OPCML: variants seen among roughly 807,000 people sequenced by gnomAD.
The protein encoded by OPCML is opioid-binding protein/cell adhesion molecule.
OPCML carries 13 observed loss-of-function variants against 37.8 expected under a neutral mutation model. That is an observed-to-expected ratio of 0.34 (90% CI 0.22 to 0.55). The LOEUF (loss-of-function observed/expected upper bound fraction) is 0.55. Ranked by LOEUF, OPCML falls within the 20% of genes least tolerant of loss-of-function variation. The probability of loss-of-function intolerance (pLI) is 0.91; values close to 1 mark genes in which losing one functional copy is unlikely to be tolerated. For missense variants in OPCML, 341 were observed against 435.6 expected (o/e 0.78, Z 1.93); for synonymous variants, 176 against 168.8 (o/e 1.04, Z -0.33).
chr11:133,152,164 A>T (rs114965380), intron 1 of OPCML, among the ~76,000 whole-genome samples: 2,199 of 152,242 alleles, frequency 0.014, 52 homozygotes, highest in African/African-American at 0.051. Flanking sequence ...CAAACCGCTG[A>T]ACAAAAAAAG....
At chr11:132,951,190 C>A (rs1043097309) in intron 1 of OPCML, among the ~76,000 whole-genome samples, 1 of 152,212 alleles carries the variant, frequency 6.6e-6, no homozygotes, top group African/African-American at 2.4e-5. Context: ...AGCAATGAAT[C>A]TGTAGAGTAC....
intron 1 of OPCML, among the ~76,000 whole-genome samples, chr11:133,484,098 ATAGAT>A (rs1421581776): frequency 6.1e-5 from 9 of 148,612 alleles, no homozygotes; most frequent in Non-Finnish European, 1.0e-4. Flanking sequence ...AGATGAATAG[ATAGAT>A]TAGATAGATG....
chr11:132,965,675 T>C (rs1280756232), intron 1 of OPCML, among the ~76,000 whole-genome samples: 2 of 151,922 alleles, frequency 1.3e-5, no homozygotes, highest in South Asian at 2.1e-4. Context: ...TAGGACTCCA[T>C]GCAAGGGCCA....
At chr11:133,260,671 AAAATT>A (rs1348249318) in intron 1 of OPCML, among the ~76,000 whole-genome samples, 1 of 149,580 alleles carries the variant, frequency 6.7e-6, no homozygotes, top group Non-Finnish European at 1.5e-5. Context: ...AAGGAAACTA[AAAATT>A]AAATTAAACT....
At chr11:133,288,524 G>A (rs1942366900) in intron 1 of OPCML, among the ~76,000 whole-genome samples, 1 of 152,196 alleles carries the variant, frequency 6.6e-6, no homozygotes, top group African/African-American at 2.4e-5. Flanking sequence ...AGGAAATATG[G>A]ACTGTTGCGG....
chr11:133,514,068 C>G (rs1171770462), intron 1 of OPCML, among the ~76,000 whole-genome samples: 2 of 152,164 alleles, frequency 1.3e-5, no homozygotes, highest in Admixed American at 6.5e-5. Context: ...GATAAAGAGA[C>G]ACTTCAAGGC....
intron 1 of OPCML, among the ~76,000 whole-genome samples, chr11:133,315,842 TTA>T (rs776547345): frequency 2.4e-4 from 37 of 152,078 alleles, no homozygotes; most frequent in Non-Finnish European, 4.0e-4. Flanking sequence ...TTGCTCTATA[TTA>T]TATATAGCCA....
At chr11:132,732,685 A>T (rs1162459571) in intron 2 of OPCML, among the ~76,000 whole-genome samples, 1 of 152,226 alleles carries the variant, frequency 6.6e-6, no homozygotes, top group African/African-American at 2.4e-5. Context: ...GACCTGAAAG[A>T]AAGGCCCCAA....
At chr11:133,274,658 G>C (rs1829014452) in intron 1 of OPCML, among the ~76,000 whole-genome samples, 1 of 152,206 alleles carries the variant, frequency 6.6e-6, no homozygotes, top group African/African-American at 2.4e-5. Context: ...TCGGTGCTGG[G>C]CTTGGGGAGG....
Position 132,438,115 on chromosome 11 carries a change from C to T in OPCML, c.506-756G>A, listed in dbSNP as rs538554402. Reference sequence around the variant, plus strand: ...CTTGTGAAACTTGTCATTTATAATTCAAAATATTATGGGCTGCAAAATTTG... The same window carrying T: ...CTTGTGAAACTTGTCATTTATAATTTAAAATATTATGGGCTGCAAAATTTG... On this transcript the variant is annotated intron_variant, in intron 4 of 7. Coordinates refer to ENST00000524381, the MANE Select transcript of OPCML (RefSeq NM_001012393.5). Among the ~76,000 whole-genome samples, 22 of 152,300 alleles carry T rather than the reference C, an allele frequency of 1.4e-4. No homozygotes were observed. The South Asian group carries it at 4.3e-3, about 30-fold the overall frequency.
chr11:133,216,768 AC>A (rs1939601014), intron 1 of OPCML, among the ~76,000 whole-genome samples: 1 of 152,256 alleles, frequency 6.6e-6, no homozygotes, highest in Admixed American at 6.5e-5. Context: ...ATGTGTACGT[AC>A]ATTCATGCAT....
intron 1 of OPCML, among the ~76,000 whole-genome samples, chr11:133,382,315 A>ACT (rs932644993): frequency 3.3e-5 from 5 of 152,090 alleles, no homozygotes; most frequent in Non-Finnish European, 7.4e-5. Flanking sequence ...TTTTGGCAGG[A>ACT]GGGGTGGGGA....
chr11:133,234,558 G>A (rs903355123), intron 1 of OPCML, among the ~76,000 whole-genome samples: 7 of 152,238 alleles, frequency 4.6e-5, no homozygotes, highest in East Asian at 3.8e-4. Flanking sequence ...TCCTGATGGC[G>A]CAGCTCAGCA....
chr11:133,418,372 A>G (rs761142323), intron 1 of OPCML: 1 of 985,378 alleles, frequency 1.0e-6, no homozygotes, highest in Non-Finnish European at 1.2e-6. Context: ...TTCAAGAACT[A>G]TTTCAGAAGC....
chr11:133,492,554 T>A, intron 1 of OPCML, among the ~76,000 whole-genome samples: 1 of 152,002 alleles, frequency 6.6e-6, no homozygotes, highest in South Asian at 2.1e-4. Flanking sequence ...CATGGCCATA[T>A]GAATGGAGAG....
rs1024665649 is a variant in OPCML, at chr11:133,205,237, G to A, written c.62-262227C>T. 6.6e-6 allele frequency among the ~76,000 whole-genome samples: 1 copy of A among 152,058 alleles called. No individual in the cohort carries two copies. The highest frequency in any genetic ancestry group is 1.5e-5 in the Non-Finnish European group (1 of 68,018). On this transcript the variant is annotated intron_variant, in intron 1 of 7. Transcript: ENST00000524381. The surrounding 1 kb of genome is among the most constrained non-coding windows in gnomAD (Gnocchi z 4.8). ...AAAGGCAGGGTTTGAAGAGCTTCTG[G>A]TTGCTGAACACTGGTAGGTTCCTTG...
At chr11:133,316,661 CTA>C (rs781030789) in intron 1 of OPCML, among the ~76,000 whole-genome samples, 1 of 152,098 alleles carries the variant, frequency 6.6e-6, no homozygotes, top group Non-Finnish European at 1.5e-5. Flanking sequence ...GAATTAGAAA[CTA>C]TGTTTATGAC....
At chr11:133,513,881 A>G (rs1489892979) in intron 1 of OPCML, among the ~76,000 whole-genome samples, 6 of 152,224 alleles carry the variant, frequency 3.9e-5, no homozygotes, top group Non-Finnish European at 8.8e-5. Context: ...TTAAGAGTTT[A>G]GCATCTAAAA....
At chr11:133,333,056 T>C (rs1039703274) in intron 1 of OPCML, among the ~76,000 whole-genome samples, 1 of 152,028 alleles carries the variant, frequency 6.6e-6, no homozygotes, top group Non-Finnish European at 1.5e-5. Context: ...CTAGTAGTAG[T>C]AGTAGTAGTA....
Sources: gnomAD v4.1 joint callset for allele counts (sites outside exome capture counted in the v4.1 genomes callset) on GRCh38, gnomAD v4.1.1 for gene constraint, Gnocchi (gnomAD v3.1) non-coding constraint, MANE v1.5 for transcripts, NCBI Gene and HGNC (gene_info 2026-07-23, HGNC 2026-07-21) for gene names.